Variants in EYS observed in about 807,000 individuals in gnomAD.
The protein encoded by EYS is protein eyes shut homolog.
In EYS, 250 loss-of-function variants were observed where a neutral mutation model predicts 282.1. The ratio of observed to expected loss-of-function variants is 0.89; its 90% CI spans 0.80 to 0.98. The LOEUF is 0.98. EYS is among the 50% of genes least tolerant of loss of function. EYS has a pLI of 0.00. For missense variants in EYS, 4,016 were observed against 3,709.0 expected, an observed-to-expected ratio of 1.08 and a Z score of -2.15; for synonymous variants, 1,355 against 1,282.9, an observed-to-expected ratio of 1.06 and a Z score of -1.20.
intron 30 of EYS, among the ~76,000 whole-genome samples, chr6:64,254,464 A>G (rs1651863654): frequency 6.6e-6 from 1 of 151,988 alleles, no homozygotes; most frequent in South Asian, 2.1e-4. Flanking sequence ...TCTGTATTTT[A>G]GACTATTTGG....
chr6:65,003,137 C>A (rs1285279815), intron 13 of EYS, among the ~76,000 whole-genome samples: 1 of 147,612 alleles, frequency 6.8e-6, no homozygotes, highest in Non-Finnish European at 1.5e-5. Flanking sequence ...CAGAACAGAG[C>A]CATATTTCTC....
chr6:64,468,534 G>T (rs537291647), intron 26 of EYS, among the ~76,000 whole-genome samples: 6 of 152,142 alleles, frequency 3.9e-5, no homozygotes, highest in African/African-American at 1.4e-4. Context: ...TCAGGGGTAC[G>T]TGTGCAAGTT....
At chr6:63,738,054 T>A (rs1768969675) in intron 41 of EYS, among the ~76,000 whole-genome samples, 1 of 152,080 alleles carries the variant, frequency 6.6e-6, no homozygotes, top group African/African-American at 2.4e-5. Context: ...CTCACACCAG[T>A]TAGAATGGTA....
In EYS at chr6:65,495,046, T is replaced by C; in HGVS notation, c.365A>G (p.Asp122Gly). The change falls in exon 4 of 43, where the codon GAT (aspartate) becomes GGT (glycine). Residue 122 changes from aspartate (D) to glycine (G), a missense_variant. Asp to Gly is a moderately conservative substitution (Grantham distance 94). Transcript: ENST00000503581. The part of the protein sequence containing the change: ...VGCVQNTTTE[D>G]QLLFGCRLKG... ...TAGTCTGCAGCCAAAAAGTAACTGA[T>C]CTTCCGTTGTGGTATTTTGCACACA... The C allele has an allele frequency of 6.2e-7, 1 of 1,614,206 alleles. No individual in the cohort carries two copies. Among genetic ancestry groups the C allele is most frequent in the Non-Finnish European group, 8.5e-7 (1 of 1,180,036 alleles).
chr6:64,156,526 G>C (rs1260535757), intron 31 of EYS, among the ~76,000 whole-genome samples: 1 of 152,174 alleles, frequency 6.6e-6, no homozygotes, highest in African/African-American at 2.4e-5. Flanking sequence ...AAGAGGCAGA[G>C]GTTGCAACAG....
intron 5 of EYS, among the ~76,000 whole-genome samples, chr6:65,419,161 A>G (rs1162387205): frequency 6.6e-6 from 1 of 151,966 alleles, no homozygotes; most frequent in Non-Finnish European, 1.5e-5. Flanking sequence ...ATAAAATATA[A>G]ATGTATAACT....
intron 13 of EYS, among the ~76,000 whole-genome samples, chr6:65,009,924 G>A (rs1470349635): frequency 1.3e-5 from 2 of 152,136 alleles, no homozygotes; most frequent in African/African-American, 4.8e-5. Context: ...GGCATAACAG[G>A]TTTCTGCCGA....
chr6:65,440,416 A>T (rs1320504236), intron 5 of EYS, among the ~76,000 whole-genome samples: 1 of 151,808 alleles, frequency 6.6e-6, no homozygotes, highest in Admixed American at 6.6e-5. Context: ...CAAAACCAAA[A>T]ACCCCCTTGA....
chr6:65,692,925 T>C (rs1769296335), intron 1 of EYS, among the ~76,000 whole-genome samples: 1 of 150,072 alleles, frequency 6.7e-6, no homozygotes, highest in Non-Finnish European at 1.5e-5. Context: ...CACCATTACA[T>C]TGTAAGTTTT....
intron 28 of EYS, among the ~76,000 whole-genome samples, chr6:64,393,313 G>T (rs1186640532): frequency 6.6e-6 from 1 of 152,060 alleles, no homozygotes; most frequent in Non-Finnish European, 1.5e-5. Flanking sequence ...CCAAAACCAG[G>T]CAGAGATACA....
intron 26 of EYS, among the ~76,000 whole-genome samples, chr6:64,477,920 A>T (rs779993750): frequency 9.9e-5 from 15 of 152,100 alleles, no homozygotes; most frequent in Non-Finnish European, 1.0e-4. Flanking sequence ...CAAACAATCC[A>T]TAGTCTTTCC....
chr6:65,150,717 A>G (rs62407230), intron 12 of EYS, among the ~76,000 whole-genome samples: 39,056 of 123,244 alleles, frequency 0.32, 5,384 homozygotes, highest in African/African-American at 0.41. Context: ...TTTTGTTCTA[A>G]TAGGTTAGTA....
chr6:64,187,315 CCTT>C (rs1764975922), intron 31 of EYS, among the ~76,000 whole-genome samples: 1 of 151,996 alleles, frequency 6.6e-6, no homozygotes, highest in African/African-American at 2.4e-5. Flanking sequence ...TCCCTTTAAA[CCTT>C]CTAATGATGT....
intron 29 of EYS, among the ~76,000 whole-genome samples, chr6:64,325,490 T>C (rs1770381543): frequency 6.6e-6 from 1 of 152,132 alleles, no homozygotes; most frequent in African/African-American, 2.4e-5. Context: ...ACTCTGGTAA[T>C]ATGATAAAAC....
intron 2 of EYS, among the ~76,000 whole-genome samples, chr6:65,619,834 C>A (rs1450825790): frequency 1.3e-5 from 2 of 150,512 alleles, no homozygotes; most frequent in African/African-American, 4.8e-5. Flanking sequence ...GTCTTTGGTT[C>A]TGTTTATATG....
chr6:63,783,760 G>A (rs977027528), intron 39 of EYS, among the ~76,000 whole-genome samples: 5 of 152,114 alleles, frequency 3.3e-5, no homozygotes, highest in East Asian at 3.9e-4. Flanking sequence ...ATTTAAGCAC[G>A]GGCCCTGAGG....
At chr6:64,034,178 A>G (rs1770001595) in intron 33 of EYS, among the ~76,000 whole-genome samples, 1 of 152,186 alleles carries the variant, frequency 6.6e-6, no homozygotes, top group African/African-American at 2.4e-5. Context: ...ACAAACAAAC[A>G]AAAATAAAGT....
chr6:64,728,070 T>A (rs1771820831), intron 22 of EYS, among the ~76,000 whole-genome samples: 1 of 152,090 alleles, frequency 6.6e-6, no homozygotes, highest in African/African-American at 2.4e-5. Flanking sequence ...CCTGGCTCAG[T>A]CTCACTGCAT....
chr6:65,124,129 T>C (rs754156851), intron 12 of EYS, among the ~76,000 whole-genome samples: 12 of 152,036 alleles, frequency 7.9e-5, no homozygotes, highest in Non-Finnish European at 1.5e-4. Flanking sequence ...GCCTAGATTG[T>C]ACCACTGTAC....
Sources: gnomAD v4.1 joint callset for allele counts (sites outside exome capture counted in the v4.1 genomes callset) on GRCh38, gnomAD v4.1.1 for gene constraint, MANE v1.5 for transcripts, NCBI Gene and HGNC (gene_info 2026-07-23, HGNC 2026-07-21) for gene names.